The following PTPRD variants were observed in gnomAD, a reference collection of about 807,000 sequenced individuals.
The protein encoded by PTPRD is receptor-type tyrosine-protein phosphatase delta.
PTPRD carries 34 observed loss-of-function variants against 214.5 expected under a neutral mutation model. The ratio of observed to expected loss-of-function variants is 0.16; its 90% CI spans 0.12 to 0.21. The LOEUF (loss-of-function observed/expected upper bound fraction) is 0.21, where lower values mean the gene tolerates loss of function less well. Ranked by LOEUF, PTPRD falls within the 10% of genes least tolerant of loss-of-function variation. PTPRD has a pLI of 1.00. For synonymous variants in PTPRD, 1,128 were observed against 845.7 expected (o/e 1.33, Z -5.79); for missense variants, 2,545 against 2,398.7 (o/e 1.06, Z -1.27).
chr9:9,315,259 T>A lies in PTPRD; in HGVS notation c.-203+82190A>T, dbSNP rs1171382391. ...TTATATCCTTATCTGAAGTATTTTCTCGTATTTGATATACAGCTAAATTAA... is the reference window on the plus strand; with the variant it reads ...TTATATCCTTATCTGAAGTATTTTCACGTATTTGATATACAGCTAAATTAA... On this transcript the variant is annotated intron_variant, in intron 9 of 45. Transcript: ENST00000381196. Among the ~76,000 whole-genome samples the A allele has an allele frequency of 2.0e-5, 3 of 152,114 alleles. No homozygotes were observed. In the East Asian group the frequency reaches 5.8e-4, roughly 29 times the overall value.
intron 31 of PTPRD, among the ~76,000 whole-genome samples, chr9:8,470,774 G>C (rs540823329): frequency 9.2e-5 from 14 of 152,278 alleles, no homozygotes; most frequent in African/African-American, 3.4e-4. Flanking sequence ...GATTAGACAG[G>C]TTGTAAGCTT....
intron 14 of PTPRD, among the ~76,000 whole-genome samples, chr9:8,561,475 T>C (rs1196642696): frequency 6.6e-6 from 1 of 152,140 alleles, no homozygotes; most frequent in Admixed American, 6.5e-5. Flanking sequence ...AACCCCCAAA[T>C]GTGAGTACAA....
intron 12 of PTPRD, among the ~76,000 whole-genome samples, chr9:8,676,406 G>T (rs187530131): frequency 1.3e-4 from 18 of 133,660 alleles, no homozygotes; most frequent in African/African-American, 4.7e-4. Flanking sequence ...TTTTTTAGAT[G>T]GAGTTTTGCT....
chr9:9,243,250 C>T (rs1230628305), intron 9 of PTPRD, among the ~76,000 whole-genome samples: 1 of 152,076 alleles, frequency 6.6e-6, no homozygotes, highest in African/African-American at 2.4e-5. Context: ...GAAACTATTA[C>T]AATCAATAGA....
At chr9:10,561,951 T>C (rs2064089921) in intron 2 of PTPRD, among the ~76,000 whole-genome samples, 1 of 152,180 alleles carries the variant, frequency 6.6e-6, no homozygotes, top group Non-Finnish European at 1.5e-5. Flanking sequence ...CAGAATGCCT[T>C]TAATTGTATT....
chr9:9,475,318 C>A (rs972036055), intron 8 of PTPRD, among the ~76,000 whole-genome samples: 4 of 152,062 alleles, frequency 2.6e-5, no homozygotes, highest in African/African-American at 9.7e-5. Flanking sequence ...TGTCATTAAC[C>A]AATAAAAGGG....
At chr9:10,035,339 C>T (rs958476475) in intron 3 of PTPRD, among the ~76,000 whole-genome samples, 2 of 151,832 alleles carry the variant, frequency 1.3e-5, no homozygotes, top group African/African-American at 2.4e-5. Context: ...GGATATTAGA[C>T]CTTTGTCATA....
intron 5 of PTPRD, among the ~76,000 whole-genome samples, chr9:9,785,561 C>A (rs2098916624): frequency 6.6e-6 from 1 of 151,948 alleles, no homozygotes; most frequent in South Asian, 2.1e-4. Context: ...AAATGGTACT[C>A]ATAAAATGTT....
intron 4 of PTPRD, among the ~76,000 whole-genome samples, chr9:9,988,917 A>G (rs1224622502): frequency 6.6e-6 from 1 of 151,376 alleles, no homozygotes; most frequent in Non-Finnish European, 1.5e-5. Context: ...CAGAAAACCA[A>G]AATGAGACCA....
intron 7 of PTPRD, among the ~76,000 whole-genome samples, chr9:9,689,752 G>C (rs143529562): frequency 6.6e-6 from 1 of 151,846 alleles, no homozygotes; most frequent in Admixed American, 6.6e-5. Flanking sequence ...GTCTTTTTGT[G>C]TTTGGCTTAT....
chr9:8,465,095 C>T (rs2096518821), intron 32 of PTPRD, among the ~76,000 whole-genome samples: 1 of 151,942 alleles, frequency 6.6e-6, no homozygotes, highest in African/African-American at 2.4e-5. Context: ...AGGTATTATG[C>T]AACAGTCTCC....
At chr9:9,058,006 C>T (rs903854237) in intron 10 of PTPRD, among the ~76,000 whole-genome samples, 1 of 152,084 alleles carries the variant, frequency 6.6e-6, no homozygotes. Flanking sequence ...ATATTTATAA[C>T]GATTTCAATA....
chr9:10,170,641 C>T (rs1447502027), intron 3 of PTPRD, among the ~76,000 whole-genome samples: 2 of 152,068 alleles, frequency 1.3e-5, no homozygotes, highest in Non-Finnish European at 2.9e-5. Flanking sequence ...GAGTCGAGAT[C>T]GCACCACTGC....
Position 9,929,939 on chromosome 9 carries a change from G to A in PTPRD, c.-368+8568C>T, listed in dbSNP as rs114212648. On this transcript the variant is annotated intron_variant, in intron 5 of 45. Transcript: ENST00000381196. ...ATGACATGGGTCACAATATAATGAG[G>A]ACACCAGAGATAATGGACAGTACTC... 2.8e-3 allele frequency among the ~76,000 whole-genome samples: 428 copies of A among 152,212 alleles called. 2 individuals carry two copies. The highest frequency in any genetic ancestry group is 9.4e-3 in the African/African-American group (389 of 41,540).
intron 11 of PTPRD, among the ~76,000 whole-genome samples, chr9:8,786,035 G>A (rs7872750): frequency 2.2e-5 from 1 of 45,582 alleles, no homozygotes; most frequent in Non-Finnish European, 4.1e-5. Flanking sequence ...TTAATTTGTT[G>A]TGTGTGTGTG....
intron 11 of PTPRD, among the ~76,000 whole-genome samples, chr9:8,857,144 C>CT (rs2097934073): frequency 6.6e-6 from 1 of 152,118 alleles, no homozygotes; most frequent in Non-Finnish European, 1.5e-5. Context: ...GCTGCGTAGA[C>CT]TTTGATTCCT....
intron 10 of PTPRD, among the ~76,000 whole-genome samples, chr9:9,033,176 C>T (rs982902251): frequency 1.3e-5 from 2 of 152,122 alleles, no homozygotes; most frequent in Non-Finnish European, 2.9e-5. Context: ...AGACATGACA[C>T]ATAATTTGGC....
chr9:10,499,786 T>C (rs538903785), intron 2 of PTPRD, among the ~76,000 whole-genome samples: 1 of 152,022 alleles, frequency 6.6e-6, no homozygotes, highest in South Asian at 2.1e-4. Flanking sequence ...ATTTTTCCAC[T>C]ATCCAAAAAC....
intron 11 of PTPRD, among the ~76,000 whole-genome samples, chr9:8,760,598 CTGTGTGTGTGTGTGTG>C (rs34488235): frequency 1.2e-3 from 167 of 145,096 alleles, no homozygotes; most frequent in African/African-American, 3.9e-3. Context: ...CTCTCTCTGT[CTGTGTGTGTGTGTGTG>C]TGTGTGTGTG....
Sources: allele counts gnomAD v4.1 joint callset (sites outside exome capture counted in the v4.1 genomes callset), GRCh38; gene constraint gnomAD v4.1.1; transcripts MANE v1.5; gene names NCBI Gene and HGNC (gene_info 2026-07-23, HGNC 2026-07-21).